NAALADL2: variants seen among roughly 807,000 people sequenced by gnomAD.
NAALADL2 encodes inactive N-acetylated-alpha-linked acidic dipeptidase-like protein 2.
Under a neutral mutation model 87.2 loss-of-function variants are expected in NAALADL2, and 76 were observed. The observed-to-expected ratio is 0.87, with a 90% confidence interval of 0.72 to 1.05. The LOEUF is 1.05. NAALADL2 is among the 50% of genes least tolerant of loss of function. The probability of loss-of-function intolerance (pLI) is 0.00; values close to 1 mark genes in which losing one functional copy is unlikely to be tolerated. For missense variants in NAALADL2, 1,089 were observed against 945.8 expected (o/e 1.15, Z -1.99); for synonymous variants, 354 against 331.0 (o/e 1.07, Z -0.75).
In NAALADL2 at chr3:174,609,419, T is replaced by C. The variant is rs571317185; in HGVS notation, c.-115+58782T>C. Among the ~76,000 whole-genome samples the C allele has an allele frequency of 3.3e-5, 5 of 152,112 alleles. No individual in the cohort carries two copies. In the South Asian group the frequency reaches 8.3e-4, roughly 25 times the overall value. Reference sequence around the variant, plus strand: ...TGATTGTATATCTAGAAAACCCCATTGTCTCAGCCCAAAATCTCCTTAAGC... The same window carrying C: ...TGATTGTATATCTAGAAAACCCCATCGTCTCAGCCCAAAATCTCCTTAAGC... On this transcript the variant is annotated intron_variant, in intron 2 of 3. Transcript: ENST00000434257.
intron 9 of NAALADL2, among the ~76,000 whole-genome samples, chr3:175,536,641 A>T (rs993928241): frequency 2.0e-4 from 29 of 146,494 alleles, no homozygotes; most frequent in East Asian, 8.6e-4. Context: ...TTGCTAATTT[A>T]AAAAAAAAAC....
rs116956678 is a variant in NAALADL2 at position 174,774,654 on chromosome 3, G to A, written c.-9+36908G>A. Among the ~76,000 whole-genome samples, 187 of 152,176 alleles carry A rather than the reference G, an allele frequency of 1.2e-3. 1 individual carries two copies. In the East Asian group the frequency reaches 0.014, roughly 11 times the overall value. Reference sequence around the variant, plus strand: ...CCATGGGGAGTTTTCTTTAAATGGGGGAATACTTAGCATCTTTGGCAGTTC... The same window carrying A: ...CCATGGGGAGTTTTCTTTAAATGGGAGAATACTTAGCATCTTTGGCAGTTC... On this transcript the variant is annotated intron_variant, in intron 3 of 3. Transcript: ENST00000434257.
chr3:174,725,713 A>G (rs114189593), intron 2 of NAALADL2, among the ~76,000 whole-genome samples: 1 of 152,130 alleles, frequency 6.6e-6, no homozygotes, highest in Admixed American at 6.6e-5. Context: ...TGTGGTATGT[A>G]TGGGAGAGAG....
intron 10 of NAALADL2, among the ~76,000 whole-genome samples, chr3:175,626,138 C>T (rs1399797689): frequency 6.6e-6 from 1 of 151,942 alleles, no homozygotes; most frequent in East Asian, 1.9e-4. Context: ...CACTGAATTT[C>T]ACCATATTTA....
At chr3:174,448,765 A>T (rs1715251989) in intron 1 of NAALADL2, among the ~76,000 whole-genome samples, 1 of 152,248 alleles carries the variant, frequency 6.6e-6, no homozygotes, top group Admixed American at 6.5e-5. Context: ...AAGGAAGAGA[A>T]GTTGGTCAGC....
intron 1 of NAALADL2, among the ~76,000 whole-genome samples, chr3:174,527,034 AACATTATCTGTT>A (rs1222175449): frequency 6.6e-6 from 1 of 152,138 alleles, no homozygotes; most frequent in Non-Finnish European, 1.5e-5. Flanking sequence ...TGCAGCTACT[AACATTATCTGTT>A]CACAATTTTG....
At chr3:175,428,653 AT>A (rs1320024260) in intron 5 of NAALADL2, among the ~76,000 whole-genome samples, 1 of 151,716 alleles carries the variant, frequency 6.6e-6, no homozygotes, top group African/African-American at 2.4e-5. Flanking sequence ...AATTCTTTCC[AT>A]TTTTTTCTAT....
chr3:175,722,541 A>G (rs879891363), intron 11 of NAALADL2, among the ~76,000 whole-genome samples: 4 of 152,152 alleles, frequency 2.6e-5, no homozygotes, highest in Non-Finnish European at 4.4e-5. Flanking sequence ...GTTGTTAGCA[A>G]TTTATCATAA....
At chr3:175,468,483 A>G (rs181947445) in intron 8 of NAALADL2, among the ~76,000 whole-genome samples, 2 of 152,150 alleles carry the variant, frequency 1.3e-5, no homozygotes, top group Admixed American at 6.5e-5. Context: ...TGTAATCTAT[A>G]CCATTTTTAA....
Position 175,710,604 on chromosome 3 carries a change from A to C in NAALADL2, c.1897-26702A>C, listed in dbSNP as rs968831375. Among the ~76,000 whole-genome samples, 18 of 151,500 alleles carry C rather than the reference A, an allele frequency of 1.2e-4. 1 individual carries two copies. The highest frequency in any genetic ancestry group is 3.9e-4 in the African/African-American group (16 of 41,400). On this transcript the variant is annotated intron_variant, in intron 11 of 13. Coordinates refer to ENST00000454872, the MANE Select transcript of NAALADL2 (RefSeq NM_207015.3). ...TATTCAGATATATATATATACACAT[A>C]TATAGGCACATATACACATATAGAC...
chr3:175,652,055 A>C (rs1282091440), intron 11 of NAALADL2, among the ~76,000 whole-genome samples: 1 of 152,192 alleles, frequency 6.6e-6, no homozygotes, highest in African/African-American at 2.4e-5. Flanking sequence ...CTGTACATCA[A>C]ATTTCTATGT....
intron 1 of NAALADL2, among the ~76,000 whole-genome samples, chr3:174,870,967 A>G (rs1213258382): frequency 6.6e-6 from 1 of 151,872 alleles, no homozygotes; most frequent in Non-Finnish European, 1.5e-5. Context: ...CTACCCTCAC[A>G]CTCTTATGAT....
chr3:175,303,156 T>G (rs998142436), intron 4 of NAALADL2, among the ~76,000 whole-genome samples: 1 of 152,180 alleles, frequency 6.6e-6, no homozygotes, highest in African/African-American at 2.4e-5. Context: ...TTTGTGTTTT[T>G]TCAGCCCCAC....
intron 12 of NAALADL2, among the ~76,000 whole-genome samples, chr3:175,742,619 C>T (rs1036546749): frequency 5.3e-5 from 8 of 152,030 alleles, no homozygotes; most frequent in Non-Finnish European, 1.2e-4. Context: ...GGATGGTCTC[C>T]ATCTCCTGAC....
intron 2 of NAALADL2, among the ~76,000 whole-genome samples, chr3:174,670,356 T>G: frequency 6.6e-6 from 1 of 152,110 alleles, no homozygotes; most frequent in Admixed American, 6.6e-5. Flanking sequence ...TTAGCTACAT[T>G]TTTGCAGCTG....
chr3:175,181,235 A>C (rs1201134503), intron 2 of NAALADL2, among the ~76,000 whole-genome samples: 1 of 152,074 alleles, frequency 6.6e-6, no homozygotes, highest in African/African-American at 2.4e-5. Flanking sequence ...CATATATTTG[A>C]AAATAGCTAA....
intron 4 of NAALADL2, among the ~76,000 whole-genome samples, chr3:175,286,537 C>T (rs1754999960): frequency 6.6e-6 from 1 of 152,168 alleles, no homozygotes; most frequent in Admixed American, 6.5e-5. Context: ...TTTCCAACAA[C>T]GTTTACTAGA....
intron 1 of NAALADL2, chr3:175,059,960 A>G: frequency 2.3e-6 from 1 of 437,022 alleles, no homozygotes; most frequent in Non-Finnish European, 4.6e-6. Flanking sequence ...CCTTCGATGT[A>G]GCTCTTGTCT....
At chr3:174,549,482 T>C (rs1711848869) in intron 1 of NAALADL2, among the ~76,000 whole-genome samples, 1 of 152,226 alleles carries the variant, frequency 6.6e-6, no homozygotes, top group African/African-American at 2.4e-5. Context: ...TATGCAAATC[T>C]ATCCTTTTTA....
Sources: allele counts gnomAD v4.1 joint callset (sites outside exome capture counted in the v4.1 genomes callset), GRCh38; gene constraint gnomAD v4.1.1; transcripts MANE v1.5; gene names NCBI Gene and HGNC (gene_info 2026-07-23, HGNC 2026-07-21).